Variants in PRRX1 observed in about 807,000 individuals in gnomAD.
The protein encoded by PRRX1 is paired related homeobox 1, also known as paired mesoderm homeobox protein 1.
PRRX1 carries 8 observed loss-of-function variants against 24.0 expected under a neutral mutation model. That is an observed-to-expected ratio of 0.33 (90% CI 0.20 to 0.60). PRRX1 has a LOEUF of 0.60. Among genes scored for constraint, PRRX1 ranks in the 20% least tolerant of loss-of-function variants. PRRX1 has a pLI of 0.82. For missense variants in PRRX1, 281 were observed against 322.4 expected, an observed-to-expected ratio of 0.87 and a Z score of 0.98; for synonymous variants, 160 against 131.7, an observed-to-expected ratio of 1.22 and a Z score of -1.47.
At chr1:170,730,450 C>G in intron 3 of PRRX1, 1 of 950,108 alleles carries the variant, frequency 1.1e-6, no homozygotes, top group South Asian at 1.4e-5. Context: ...GAAATTTCAG[C>G]AGTGAAGTCC....
At chr1:170,717,569 G>T (rs1021330958) in intron 1 of PRRX1, among the ~76,000 whole-genome samples, 9 of 151,914 alleles carry the variant, frequency 5.9e-5, no homozygotes, top group Non-Finnish European at 1.2e-4. Flanking sequence ...GTGTCTAATT[G>T]GTCTCAGTTA....
chr1:170,730,165 AC>A, intron 3 of PRRX1: 2 of 933,782 alleles, frequency 2.1e-6, no homozygotes, highest in Non-Finnish European at 3.6e-6. Context: ...ATCCTTGTCC[AC>A]AGCTTCCCTC....
chr1:170,696,764 G>A (rs1167014074), intron 1 of PRRX1, among the ~76,000 whole-genome samples: 1 of 152,154 alleles, frequency 6.6e-6, no homozygotes, highest in Admixed American at 6.6e-5. Context: ...GAAGGAAACA[G>A]TAAAGTTCTC....
At chr1:170,685,464 T>C (rs1653699801) in intron 1 of PRRX1, among the ~76,000 whole-genome samples, 1 of 152,068 alleles carries the variant, frequency 6.6e-6, no homozygotes, top group African/African-American at 2.4e-5. Context: ...AGAGGGAAAA[T>C]GATTTGAGAA....
intron 3 of PRRX1, chr1:170,729,157 C>T (rs892785073): frequency 3.9e-5 from 6 of 152,160 alleles, no homozygotes; most frequent in East Asian, 1.9e-4. Flanking sequence ...TTAAGCCACA[C>T]GACTATATTT....
chr1:170,667,397 T>C (rs1652977177), intron 1 of PRRX1: 1 of 152,296 alleles, frequency 6.6e-6, no homozygotes, highest in Non-Finnish European at 1.5e-5. Context: ...TTGTTGCTTT[T>C]ATAAGCACTT....
At chr1:170,701,590 A>G (rs1280451957) in intron 1 of PRRX1, among the ~76,000 whole-genome samples, 1 of 151,652 alleles carries the variant, frequency 6.6e-6, no homozygotes, top group East Asian at 1.9e-4. Flanking sequence ...TCCAAAAACT[A>G]TTAAGAAGTA....
chr1:170,665,448 A>G (rs533667214), intron 1 of PRRX1, among the ~76,000 whole-genome samples: 1 of 152,344 alleles, frequency 6.6e-6, no homozygotes, highest in South Asian at 2.1e-4. Context: ...CCAGATATGT[A>G]CAGATACTCC....
intron 1 of PRRX1, among the ~76,000 whole-genome samples, chr1:170,682,846 G>A (rs1052323112): frequency 4.6e-5 from 7 of 152,320 alleles, no homozygotes; most frequent in African/African-American, 1.7e-4. Flanking sequence ...TATTTGAGCA[G>A]GAATATGAAA....
intron 3 of PRRX1, among the ~76,000 whole-genome samples, chr1:170,729,835 A>G (rs775491424): frequency 1.3e-5 from 2 of 152,202 alleles, no homozygotes; most frequent in Non-Finnish European, 2.9e-5. Flanking sequence ...TTTGGCACAC[A>G]CACCCATTGC....
chr1:170,722,355 AT>A (rs1655117479), intron 2 of PRRX1, among the ~76,000 whole-genome samples: 1 of 152,164 alleles, frequency 6.6e-6, no homozygotes, highest in Non-Finnish European at 1.5e-5. Flanking sequence ...TCTTTGCAAC[AT>A]TTATTTTTTT....
intron 1 of PRRX1, among the ~76,000 whole-genome samples, chr1:170,673,366 T>C (rs142844943): frequency 2.6e-5 from 4 of 152,324 alleles, no homozygotes; most frequent in African/African-American, 7.2e-5. Context: ...ACTGGGACAG[T>C]TGCTAAATTG....
chr1:170,689,891 T>C (rs1287214914), intron 1 of PRRX1, among the ~76,000 whole-genome samples: 1 of 150,832 alleles, frequency 6.6e-6, no homozygotes, highest in Non-Finnish European at 1.5e-5. Flanking sequence ...TGTGTGTGTG[T>C]GCGTGTGTGT....
rs1655662278 is a variant in PRRX1 at position 170,737,633 on chromosome 1, T to G, written c.*1447T>G. The G allele has an allele frequency of 4.6e-6, 1 of 217,030 alleles. No homozygotes were observed. Among genetic ancestry groups the G allele is most frequent in the East Asian group, 6.8e-5 (1 of 14,798 alleles). The allele number at this position is 217,030 out of a possible 1,614,324, so 13.4% of individuals were successfully genotyped here. A position where few individuals can be genotyped will look rare whatever the true frequency, so the allele number is the denominator to read the frequency against. Reference sequence around the variant, plus strand: ...AAGGCAATTGTGGGCTATTTTTATTTTTTAATATTTTGAAATAAAGTTTAG... The same window carrying G: ...AAGGCAATTGTGGGCTATTTTTATTGTTTAATATTTTGAAATAAAGTTTAG... On this transcript the variant is annotated 3_prime_UTR_variant, in exon 4 of 4. Coordinates refer to ENST00000239461, the MANE Select transcript of PRRX1 (RefSeq NM_022716.4).
intron 2 of PRRX1, among the ~76,000 whole-genome samples, chr1:170,725,810 T>A (rs1262236672): frequency 6.6e-6 from 1 of 152,258 alleles, no homozygotes; most frequent in African/African-American, 2.4e-5. Flanking sequence ...TGAAAGCAGA[T>A]GAAATTTTCA....
At chr1:170,733,474 C>T (rs1299231392) in intron 3 of PRRX1, among the ~76,000 whole-genome samples, 1 of 152,112 alleles carries the variant, frequency 6.6e-6, no homozygotes, top group Non-Finnish European at 1.5e-5. Context: ...GCACAATATT[C>T]TATGACAATC....
intron 3 of PRRX1, chr1:170,728,766 A>G (rs1256692099): frequency 6.6e-6 from 1 of 152,236 alleles, no homozygotes; most frequent in African/African-American, 2.4e-5. Flanking sequence ...AAAAGTAGCA[A>G]AAAGCTATTC....
chr1:170,709,603 A>T (rs1454684692), intron 1 of PRRX1, among the ~76,000 whole-genome samples: 2 of 151,720 alleles, frequency 1.3e-5, no homozygotes, highest in African/African-American at 2.4e-5. Context: ...CTATTACTTT[A>T]CTTGTCAAGT....
intron 3 of PRRX1, chr1:170,728,685 C>T (rs545673680): frequency 1.3e-5 from 2 of 152,008 alleles, no homozygotes; most frequent in Admixed American, 1.3e-4. Context: ...GATGTTAAAA[C>T]AATAATTTAA....
Sources: allele counts gnomAD v4.1 joint callset (sites outside exome capture counted in the v4.1 genomes callset), GRCh38; gene constraint gnomAD v4.1.1; transcripts MANE v1.5; gene names NCBI Gene and HGNC (gene_info 2026-07-23, HGNC 2026-07-21).